Variants in THOP1 observed in about 807,000 individuals in gnomAD.
The protein encoded by THOP1 is thimet oligopeptidase 1.
A neutral mutation model predicts 71.8 loss-of-function variants in THOP1; 49 were observed. The ratio of observed to expected loss-of-function variants is 0.68; its 90% CI spans 0.54 to 0.87. THOP1 has a LOEUF of 0.87. Ranked by LOEUF, THOP1 falls within the 40% of genes least tolerant of loss-of-function variation. The pLI is 0.00. For missense variants in THOP1, 843 were observed against 975.6 expected, an observed-to-expected ratio of 0.86 and a Z score of 1.81; for synonymous variants, 426 against 421.5, an observed-to-expected ratio of 1.01 and a Z score of -0.13.
intron 12 of THOP1, chr19:2,812,107 C>G (rs1393683518): frequency 1.4e-6 from 2 of 1,382,460 alleles, no homozygotes; most frequent in African/African-American, 1.5e-5. Flanking sequence ...CTTCCGGGAT[C>G]TGCGTGATCG....
intron 1 of THOP1, among the ~76,000 whole-genome samples, chr19:2,788,131 T>A (rs1915794250): frequency 6.6e-6 from 1 of 152,234 alleles, no homozygotes; most frequent in African/African-American, 2.4e-5. Flanking sequence ...GTATTCAGGA[T>A]ACAAGATGTT....
intron 1 of THOP1, among the ~76,000 whole-genome samples, chr19:2,789,425 G>A (rs1056266398): frequency 7.9e-5 from 12 of 152,176 alleles, no homozygotes; most frequent in African/African-American, 2.4e-4. Context: ...CCATTTACCC[G>A]TTTCTCAGAG....
At position 2,805,171 on chromosome 19, in the gene THOP1, AAGG is replaced by A; in HGVS notation, c.749_750+1del. ...GGAGGAGGCCTTCAACTGCCGGTGC[AAGG>A]AGGTGAGAAGGCACGGCCAGGGGGC... is the stretch of plus-strand genomic sequence containing the variant. On this transcript the variant is annotated inframe_deletion and splice_region_variant, in exon 6 of 13. Coordinates refer to ENST00000307741, the MANE Select transcript of THOP1 (RefSeq NM_003249.5). The surrounding 1 kb of genome is among the most constrained non-coding windows in gnomAD (Gnocchi z 6.6). 6.2e-7 allele frequency: 1 copy of A among 1,611,656 alleles called. No homozygotes were observed. The highest frequency in any genetic ancestry group is 8.5e-7 in the Non-Finnish European group (1 of 1,179,384).
At chr19:2,792,235 GT>G (rs1261081718) in intron 2 of THOP1, among the ~76,000 whole-genome samples, 1 of 152,158 alleles carries the variant, frequency 6.6e-6, no homozygotes, top group Admixed American at 6.5e-5. Context: ...CTTTTTTGTT[GT>G]TTTTTTGAGA....
Position 2,805,086 on chromosome 19 carries a change from G to A in THOP1, c.660G>A (p.Lys220=), listed in dbSNP as rs369100671. The part of the protein sequence containing the change: ...MEDGKLKVTL[K]YPHYFPLLKK... ...ACGGCAAGTTGAAGGTCACCCTCAA[G>A]TACCCCCATTACTTCCCCCTCCTGA... Residue 220 remains lysine, a synonymous_variant, in exon 6 of 13, where the codon AAG becomes AAA. Transcript: ENST00000307741. This position sits in a 1 kb window ranked among gnomAD's most constrained non-coding sequence, Gnocchi z 6.6. 4.3e-6 allele frequency: 7 copies of A among 1,612,956 alleles called. No homozygotes were observed. The highest frequency in any genetic ancestry group is 5.9e-6 in the Non-Finnish European group (7 of 1,179,844).
At chr19:2,793,785 G>T (rs755529922) in intron 2 of THOP1, among the ~76,000 whole-genome samples, 1 of 152,208 alleles carries the variant, frequency 6.6e-6, no homozygotes, top group Non-Finnish European at 1.5e-5. Flanking sequence ...ACCGCAGCCT[G>T]TTCCAGAGCC....
chr19:2,808,048 G>A, intron 8 of THOP1, 195 bp from the exon 9 acceptor site: 1 of 786,314 alleles, frequency 1.3e-6, no homozygotes, highest in Non-Finnish European at 2.0e-6. Flanking sequence ...TCCTTTAGGG[G>A]AGGGATGGCA....
chr19:2,812,418 A>T (rs1443462306), intron 12 of THOP1: 2 of 1,447,812 alleles, frequency 1.4e-6, no homozygotes, highest in East Asian at 5.3e-5. Flanking sequence ...CCCTTTATAG[A>T]GGTGCAGAGG....
At chr19:2,792,259 C>G (rs1915902254) in intron 2 of THOP1, among the ~76,000 whole-genome samples, 1 of 152,204 alleles carries the variant, frequency 6.6e-6, no homozygotes, top group African/African-American at 2.4e-5. Flanking sequence ...GGGTCTTGCT[C>G]TGTCACCCAG....
At chr19:2,811,489 T>C in intron 11 of THOP1, 109 bp from the exon 12 acceptor site, 2 of 1,432,392 alleles carry the variant, frequency 1.4e-6, no homozygotes, top group Non-Finnish European at 1.9e-6. Flanking sequence ...ATCCTCCAGC[T>C]TCTCCCTGTT....
rs79149534 is a variant in THOP1, at chr19:2,812,055, G to A, written c.1908+321G>A. ...GCTCCACACTGGCCCCTCAGGCCTC[G>A]GGCTGTGAGTGCTGGGAGCTCCGTG... On this transcript the variant is annotated intron_variant, in intron 12 of 12. Coordinates refer to ENST00000307741, the MANE Select transcript of THOP1 (RefSeq NM_003249.5). 2.1e-3 allele frequency: 2,460 copies of A among 1,163,966 alleles called. 28 individuals carry two copies. The African/African-American group carries it at 0.024, about 11-fold the overall frequency. The allele number at this position is 1,163,966 out of a possible 1,614,324, so 72.1% of individuals were successfully genotyped here. A position where few individuals can be genotyped will look rare whatever the true frequency, so the allele number is the denominator to read the frequency against.
chr19:2,796,966 A>G (rs1916031259), intron 4 of THOP1, among the ~76,000 whole-genome samples: 1 of 152,188 alleles, frequency 6.6e-6, no homozygotes, highest in Admixed American at 6.5e-5. Context: ...GTAGTGTGTT[A>G]GCAGAAGCCC....
chr19:2,788,810 G>T (rs1915809424), intron 1 of THOP1, among the ~76,000 whole-genome samples: 1 of 152,004 alleles, frequency 6.6e-6, no homozygotes, highest in East Asian at 1.9e-4. Flanking sequence ...GCCTAGGCTA[G>T]AGTGCAGTGG....
rs146133772 is a variant in THOP1, at chr19:2,795,263, CAT to C, written c.378+352_378+353del. On this transcript the variant is annotated intron_variant, in intron 3 of 12. Transcript: ENST00000307741. ...GCCTGAGCCACCACGCCCGGCCACA[CAT>C]GTGCACTTTCATTTCCTTTCCTGGC... 3.7e-3 allele frequency among the ~76,000 whole-genome samples: 565 copies of C among 152,386 alleles called. 9 individuals carry two copies. Among genetic ancestry groups the C allele is most frequent in the African/African-American group, 0.013 (539 of 41,598 alleles).
In THOP1 at chr19:2,810,405, G is replaced by A. The variant is rs752256782; in HGVS notation, c.1557G>A (p.Leu519=). 3 of 1,609,316 alleles carry A rather than the reference G, an allele frequency of 1.9e-6. No homozygotes were observed. Among genetic ancestry groups the A allele is most frequent in the East Asian group, 4.5e-5 (2 of 44,762 alleles). The change falls in exon 10 of 13, where the codon CTG becomes CTA. Residue 519 remains leucine (L), a synonymous_variant. Coordinates refer to ENST00000307741, the MANE Select transcript of THOP1 (RefSeq NM_003249.5). ...GGGTGTGGGAGCAGGAGCCGCTGCT[G>A]CGGATGTCGCGGCACTACCGCACAG... The part of the protein sequence containing the change: ...ENWVWEQEPL[L]RMSRHYRTGS...
Position 2,807,738 on chromosome 19 carries a change from C to A in THOP1, c.1183C>A (p.Arg395=). ...EGASAWHEDV[R]LYTARDAASG... ...CGCCAGTGCCTGGCATGAGGACGTG[C>A]GGCTCTACACCGCGAGGGACGCGGC... The change falls in exon 8 of 13, where the codon CGG becomes AGG. Residue 395 remains arginine, a synonymous_variant. Coordinates refer to ENST00000307741, the MANE Select transcript of THOP1 (RefSeq NM_003249.5). 6.3e-7 allele frequency: 1 copy of A among 1,579,348 alleles called. No homozygotes were observed. The highest frequency in any genetic ancestry group is 8.6e-7 in the Non-Finnish European group (1 of 1,159,044).
intron 4 of THOP1, among the ~76,000 whole-genome samples, chr19:2,796,434 C>T (rs1394368558): frequency 7.9e-6 from 1 of 126,126 alleles, no homozygotes; most frequent in Non-Finnish European, 1.7e-5. Flanking sequence ...TGCTGGGTGC[C>T]GGGAGTGCTG....
At position 2,815,115 on chromosome 19, in the gene THOP1, GA is replaced by G. The variant is rs1394004969; in HGVS notation, c.*1840del. On this transcript the variant is annotated 3_prime_UTR_variant, in exon 13 of 13. Transcript: ENST00000307741. Reference sequence around the variant, plus strand: ...AAAAGAAAAGCTGGAAGGCAAAGCCGACCGCACTGGGCAGAGGTGGAGATGG... The same window carrying G: ...AAAAGAAAAGCTGGAAGGCAAAGCCGCCGCACTGGGCAGAGGTGGAGATGG... 1.3e-5 allele frequency: 2 copies of G among 152,266 alleles called. No individual in the cohort carries two copies. Among genetic ancestry groups the G allele is most frequent in the African/African-American group, 4.8e-5 (2 of 41,434 alleles). The allele number at this position is 152,266 out of a possible 1,614,324, so 9.4% of individuals were successfully genotyped here.
At chr19:2,809,167 A>G (rs985282672) in intron 9 of THOP1, among the ~76,000 whole-genome samples, 1 of 152,212 alleles carries the variant, frequency 6.6e-6, no homozygotes, top group Non-Finnish European at 1.5e-5. Context: ...TGATCATTCC[A>G]GAACCTTACT....
Sources: gnomAD v4.1 joint callset for allele counts (sites outside exome capture counted in the v4.1 genomes callset) on GRCh38, gnomAD v4.1.1 for gene constraint, Gnocchi (gnomAD v3.1) non-coding constraint, MANE v1.5 for transcripts, NCBI Gene and HGNC (gene_info 2026-07-23, HGNC 2026-07-21) for gene names.